Variants in DMD observed in about 807,000 individuals in gnomAD.
DMD encodes the protein dystrophin, also known as mutant dystrophin.
In DMD, 63 loss-of-function variants were observed where a neutral mutation model predicts 330.1. The ratio of observed to expected loss-of-function variants is 0.19; its 90% confidence interval spans 0.16 to 0.24. The LOEUF (loss-of-function observed/expected upper bound fraction) is 0.24. Ranked by LOEUF, DMD falls within the 10% of genes least tolerant of loss-of-function variation. DMD has a pLI of 1.00. For missense variants in DMD, 3,344 were observed against 2,684.1 expected, an observed-to-expected ratio of 1.25 and a Z score of -5.43; for synonymous variants, 1,223 against 959.8, an observed-to-expected ratio of 1.27 and a Z score of -5.07.
intron 77 of DMD, among the ~76,000 whole-genome samples, chrX:31,130,255 G>A (rs933389956): frequency 2.7e-5 from 3 of 111,925 alleles, no homozygotes; most frequent in African/African-American, 9.7e-5. Context: ...ATCACTTAAT[G>A]GGGTTATTTT....
intron 30 of DMD, among the ~76,000 whole-genome samples, chrX:32,394,269 G>A (rs968770015): frequency 8.9e-6 from 1 of 111,921 alleles, no homozygotes; most frequent in African/African-American, 3.2e-5. Context: ...ATGTGAAGAC[G>A]CAAGAAGTTG....
chrX:32,751,975 T>C (rs1049832867), intron 7 of DMD, among the ~76,000 whole-genome samples: 2 of 112,807 alleles, frequency 1.8e-5, no homozygotes, highest in Non-Finnish European at 3.8e-5. Flanking sequence ...AACCTCTGCC[T>C]AGATTTCAGA....
intron 55 of DMD, among the ~76,000 whole-genome samples, chrX:31,522,325 T>TTCTCTCTCTCTCTCTCTCTCTCTCTC (rs1193302041): frequency 1.9e-5 from 1 of 51,335 alleles, no homozygotes; most frequent in African/African-American, 1.1e-4. Context: ...AGATCAAAAT[T>TTCTCTCTCTCTCTCTCTCTCTCTCTC]TCTCTCTCTC....
rs776293711 is a variant in DMD at position 31,547,558 on chromosome X, T to C, written c.8218-40105A>G. On this transcript the variant is annotated intron_variant, in intron 55 of 78. Coordinates refer to ENST00000357033, the MANE Select transcript of DMD (RefSeq NM_004006.3). ...GGCTCGATGTTGCCCTGTACTCTCT[T>C]AGTCTGGTTAGCTAAAACCACCCCA... is the stretch of plus-strand genomic sequence containing the variant. Among the ~76,000 whole-genome samples, 95 of 111,866 alleles carry C rather than the reference T, an allele frequency of 8.5e-4. 1 individual carries two copies. Among genetic ancestry groups the C allele is most frequent in the African/African-American group, 3.1e-3 (95 of 30,876 alleles).
At chrX:31,522,355 C>CTATA (rs1264715425) in intron 55 of DMD, among the ~76,000 whole-genome samples, 23 of 60,550 alleles carry the variant, frequency 3.8e-4, no homozygotes, top group East Asian at 2.7e-3. Flanking sequence ...CTCTCTCTCT[C>CTATA]TCTCTCTCTA....
At chrX:31,339,220 G>T (rs2057587407) in intron 61 of DMD, among the ~76,000 whole-genome samples, 1 of 111,776 alleles carries the variant, frequency 8.9e-6, no homozygotes, top group African/African-American at 3.3e-5. Flanking sequence ...GGTTGCTAAT[G>T]ATACTGTAAA....
chrX:33,299,333 C>T (rs761880481), intron 1 of DMD, among the ~76,000 whole-genome samples: 5 of 111,518 alleles, frequency 4.5e-5, no homozygotes. Flanking sequence ...CAGTAAGTTT[C>T]CTCAGGAAAA....
chrX:33,324,046 T>C (rs1371541073), intron 1 of DMD, among the ~76,000 whole-genome samples: 1 of 111,247 alleles, frequency 9.0e-6, no homozygotes, highest in Non-Finnish European at 1.9e-5. Flanking sequence ...TCCTCAAATA[T>C]ACTTCCCTGT....
chrX:33,331,178 T>C (rs769415890), intron 1 of DMD, among the ~76,000 whole-genome samples: 5 of 111,487 alleles, frequency 4.5e-5, no homozygotes, highest in African/African-American at 1.3e-4. Flanking sequence ...AATGGAGAAA[T>C]AGACTCTGTT....
Position 33,178,323 on chromosome X carries a change from A to G in DMD, c.31+32959T>C, listed in dbSNP as rs145455820. ...GACAATGATGTTACATCGAAGACCGAAAGTTGCACAGAAAGATGGAAGGTT... is the reference window on the plus strand; with the variant it reads ...GACAATGATGTTACATCGAAGACCGGAAGTTGCACAGAAAGATGGAAGGTT... On this transcript the variant is annotated intron_variant, in intron 1 of 78. Transcript: ENST00000357033. 1.2e-3 allele frequency among the ~76,000 whole-genome samples: 136 copies of G among 111,941 alleles called. 4 individuals are homozygous for G. In the East Asian group the frequency reaches 0.033, roughly 28 times the overall value.
intron 4 of DMD, among the ~76,000 whole-genome samples, chrX:32,840,584 G>A (rs187663671): frequency 4.5e-3 from 498 of 111,804 alleles, no homozygotes; most frequent in African/African-American, 0.015. Context: ...TCTCTTATGC[G>A]TTTTACTGAC....
intron 74 of DMD, among the ~76,000 whole-genome samples, chrX:31,149,412 T>A (rs1335377448): frequency 8.9e-6 from 1 of 112,297 alleles, no homozygotes; most frequent in Admixed American, 9.4e-5. Context: ...TCCTCAAAAT[T>A]GTCTTGACTA....
At chrX:31,547,849 A>T (rs1013159733) in intron 55 of DMD, among the ~76,000 whole-genome samples, 5 of 112,300 alleles carry the variant, frequency 4.5e-5, no homozygotes, top group African/African-American at 1.6e-4. Flanking sequence ...GAGATAAAAG[A>T]TGAAAGTATT....
At chrX:31,646,942 C>T (rs777711348) in intron 54 of DMD, among the ~76,000 whole-genome samples, 2 of 112,211 alleles carry the variant, frequency 1.8e-5, no homozygotes, top group East Asian at 5.6e-4. Context: ...GCACACAACT[C>T]TCTATCTTAG....
At chrX:32,312,665 G>T (rs932427741) in intron 41 of DMD, among the ~76,000 whole-genome samples, 1 of 108,691 alleles carries the variant, frequency 9.2e-6, no homozygotes, top group Non-Finnish European at 1.9e-5. Context: ...TAACAAAATA[G>T]ATAGACCACT....
intron 74 of DMD, among the ~76,000 whole-genome samples, chrX:31,165,454 C>A (rs2039316171): frequency 9.0e-6 from 1 of 111,725 alleles, no homozygotes; most frequent in Non-Finnish European, 1.9e-5. Flanking sequence ...ACAATCTAAT[C>A]AATTTGCTCT....
chrX:32,677,001 T>C lies in DMD; in HGVS notation c.960+20869A>G, dbSNP rs185411314. ...TTTTTCATTTATTGACATTTAAAAA[T>C]ATATGTAAAAGAGTTTTACATTTTT... On this transcript the variant is annotated intron_variant, in intron 9 of 78. Transcript: ENST00000357033. Among the ~76,000 whole-genome samples, 435 of 111,841 alleles carry C rather than the reference T, an allele frequency of 3.9e-3. 2 individuals are homozygous for C. Among genetic ancestry groups the C allele is most frequent in the African/African-American group, 0.013 (413 of 30,917 alleles).
At chrX:32,033,372 C>A (rs1236933411) in intron 44 of DMD, among the ~76,000 whole-genome samples, 1 of 109,998 alleles carries the variant, frequency 9.1e-6, no homozygotes, top group Non-Finnish European at 1.9e-5. Flanking sequence ...GATGATAGAT[C>A]TCATGTTAAA....
intron 7 of DMD, among the ~76,000 whole-genome samples, chrX:32,709,764 C>A (rs1431871591): frequency 9.0e-6 from 1 of 111,720 alleles, no homozygotes; most frequent in African/African-American, 3.3e-5. Context: ...CAACCCCTTT[C>A]CCTTTATTTT....
Sources: gnomAD v4.1 joint callset for allele counts (sites outside exome capture counted in the v4.1 genomes callset) on GRCh38, gnomAD v4.1.1 for gene constraint, MANE v1.5 for transcripts, NCBI Gene and HGNC (gene_info 2026-07-23, HGNC 2026-07-21) for gene names.